Variants in TMEM184B observed in about 807,000 individuals in gnomAD.
The protein encoded by TMEM184B is putative MAPK-activating protein FM08.
A neutral mutation model predicts 41.8 loss-of-function variants in TMEM184B; 17 were observed. The observed-to-expected ratio is 0.41, with a 90% confidence interval of 0.28 to 0.61. The LOEUF is 0.61. Among genes scored for constraint, TMEM184B ranks in the 20% least tolerant of loss-of-function variants. The probability of loss-of-function intolerance (pLI) is 0.34; values close to 1 mark genes in which losing one functional copy is unlikely to be tolerated. For synonymous variants in TMEM184B, 240 were observed against 229.5 expected (o/e 1.05, Z -0.41); for missense variants, 393 against 557.8 (o/e 0.70, Z 2.98).
chr22:38,217,886 G>A (rs766317147), downstream of TMEM184B, among the ~76,000 whole-genome samples: 1 of 151,796 alleles, frequency 6.6e-6, no homozygotes, highest in African/African-American at 2.4e-5. Flanking sequence ...CAGTCATGGT[G>A]GTGTGGTTGA....
chr22:38,268,565 C>G lies in TMEM184B; in HGVS notation c.-59+4319G>C, dbSNP rs113633217. ...CACTCTACCTCTTCCCGTTTCTGTC[C>G]TCTCTGAGGCTGAGGAGATGGCATT... On this transcript the variant is annotated intron_variant, in intron 1 of 8. Transcript: ENST00000361906. 5.3e-4 allele frequency among the ~76,000 whole-genome samples: 81 copies of G among 152,196 alleles called. 3 individuals carry two copies. Among genetic ancestry groups the G allele is most frequent in the African/African-American group, 1.8e-3 (74 of 41,528 alleles).
rs2091251771 is a variant in TMEM184B at position 38,221,275 on chromosome 22, TATTC to T, written c.*190_*193del. ...CAGTGCAGGCTGGGCCATGTATAAA[TATTC>T]CTGAAGGCCCATGGGCGAGCCTGGC... On this transcript the variant is annotated 3_prime_UTR_variant, in exon 9 of 9. Coordinates refer to ENST00000361906, the MANE Select transcript of TMEM184B (RefSeq NM_012264.5). 1 of 1,427,942 alleles carries T rather than the reference TATTC, an allele frequency of 7.0e-7. No homozygotes were observed. Among genetic ancestry groups the T allele is most frequent in the Admixed American group, 2.9e-5 (1 of 34,250 alleles). The allele number at this position is 1,427,942 out of a possible 1,614,324, so 88.5% of individuals were successfully genotyped here. A position where few individuals can be genotyped will look rare whatever the true frequency, so the allele number is the denominator to read the frequency against.
At chr22:38,268,525 T>C (rs1361705788) in intron 1 of TMEM184B, among the ~76,000 whole-genome samples, 2 of 152,102 alleles carry the variant, frequency 1.3e-5, no homozygotes, top group Admixed American at 6.5e-5. Flanking sequence ...AATTCTTCTC[T>C]CTGTGGCCGC....
chr22:38,267,276 T>C (rs771012478), intron 1 of TMEM184B, among the ~76,000 whole-genome samples: 2 of 152,052 alleles, frequency 1.3e-5, no homozygotes, highest in African/African-American at 4.8e-5. Context: ...TCTTCCCCTG[T>C]GGTTTCCACC....
intron 3 of TMEM184B, chr22:38,231,920 C>G (rs2091637990): frequency 5.0e-6 from 1 of 199,516 alleles, no homozygotes. Flanking sequence ...GGAAACAGAG[C>G]AAGTCAAACT....
chr22:38,272,704 G>A (rs2092543837), intron 1 of TMEM184B, 180 bp downstream of exon 1: 4 of 985,424 alleles, frequency 4.1e-6, no homozygotes, highest in Non-Finnish European at 4.8e-6. Flanking sequence ...CACGGGTGGG[G>A]AGACGGATGC....
downstream of TMEM184B, among the ~76,000 whole-genome samples, chr22:38,217,073 T>A (rs2091157460): frequency 6.6e-6 from 1 of 152,088 alleles, no homozygotes; most frequent in African/African-American, 2.4e-5. Context: ...ACACCTGTAA[T>A]CCCAGCACTT....
Position 38,226,998 on chromosome 22 carries a change from A to AGGGATGGAGGGATGGAGGGACGGAG in TMEM184B, c.526-129_526-128insCTCCGTCCCTCCATCCCTCCATCCC, listed in dbSNP as rs1399887810. 17 of 838,116 alleles carry AGGGATGGAGGGATGGAGGGACGGAG rather than the reference A, an allele frequency of 2.0e-5. No individual in the cohort carries two copies. In the African/African-American group the frequency reaches 3.0e-4, roughly 15 times the overall value. 51.9% of individuals were successfully genotyped at this position (838,116 alleles called of 1,614,324 possible). On this transcript the variant is annotated intron_variant, in intron 5 of 8. Transcript: ENST00000361906. This position sits in a 1 kb window ranked among gnomAD's most constrained non-coding sequence, Gnocchi z 4.6. ...AGGATGAAGGAGACGGAGAGGACGGAGGGATGGAGGGACGGAGGGGATGGA... is the reference window on the plus strand; with the variant it reads ...AGGATGAAGGAGACGGAGAGGACGGAGGGATGGAGGGATGGAGGGACGGAGGGGATGGAGGGACGGAGGGGATGGA...
At chr22:38,236,344 C>G (rs1015474358) in intron 3 of TMEM184B, among the ~76,000 whole-genome samples, 1 of 152,146 alleles carries the variant, frequency 6.6e-6, no homozygotes, top group South Asian at 2.1e-4. Context: ...AAGGACTGTG[C>G]TGGGGACGAG....
At position 38,258,300 on chromosome 22, in the gene TMEM184B, A is replaced by ATTTT. The variant is rs752882414; in HGVS notation, c.-58-10285_-58-10282dup. 1.6e-3 allele frequency among the ~76,000 whole-genome samples: 228 copies of ATTTT among 141,306 alleles called. 3 individuals carry two copies. The highest frequency in any genetic ancestry group is 5.7e-3 in the African/African-American group (217 of 37,932). The allele number at this position is 141,306 out of a possible 152,430, so 92.7% of individuals were successfully genotyped here. On this transcript the variant is annotated intron_variant, in intron 1 of 8. Coordinates refer to ENST00000361906, the MANE Select transcript of TMEM184B (RefSeq NM_012264.5). ...GTTTAAGAATTTAGAATTTTTCCAAATTTTTTTTTTTTTTTTTTTAGACTA... is the reference window on the plus strand; with the variant it reads ...GTTTAAGAATTTAGAATTTTTCCAAATTTTTTTTTTTTTTTTTTTTTTTAGACTA...
intron 1 of TMEM184B, among the ~76,000 whole-genome samples, chr22:38,272,150 G>T (rs1395609910): frequency 6.6e-6 from 1 of 152,172 alleles, no homozygotes; most frequent in Non-Finnish European, 1.5e-5. Context: ...ACCTCCAGAG[G>T]GGATATGTAT....
intron 3 of TMEM184B, 195 bp from the exon 4 acceptor site, chr22:38,231,529 A>C: frequency 1.4e-6 from 1 of 698,812 alleles, no homozygotes; most frequent in Non-Finnish European, 2.6e-6. Flanking sequence ...TAAGTTCAAA[A>C]CCCGGCACAC....
At chr22:38,229,571 C>T (rs1235708925) in intron 5 of TMEM184B, among the ~76,000 whole-genome samples, 1 of 151,670 alleles carries the variant, frequency 6.6e-6, no homozygotes, top group Non-Finnish European at 1.5e-5. Flanking sequence ...ACCCAGGCTA[C>T]TCTAGACCAC....
Position 38,221,124 on chromosome 22 carries a change from G to A in TMEM184B, c.*345C>T. 1 of 1,134,666 alleles carries A rather than the reference G, an allele frequency of 8.8e-7. No individual in the cohort carries two copies. Among genetic ancestry groups the A allele is most frequent in the Non-Finnish European group, 1.1e-6 (1 of 922,856 alleles). 70.3% of individuals were successfully genotyped at this position (1,134,666 alleles called of 1,614,324 possible). On this transcript the variant is annotated 3_prime_UTR_variant, in exon 9 of 9. Coordinates refer to ENST00000361906, the MANE Select transcript of TMEM184B (RefSeq NM_012264.5). ...GTCTCGCGGGGAGGAGGGGCTAGAA[G>A]GCTGCAGCCGCTGGTCCACACACAA...
intron 1 of TMEM184B, among the ~76,000 whole-genome samples, chr22:38,251,137 C>G (rs1209576802): frequency 6.6e-6 from 1 of 152,168 alleles, no homozygotes; most frequent in African/African-American, 2.4e-5. Context: ...GCAGGTCCCC[C>G]AGGGTGGAGG....
chr22:38,230,489 C>A (rs953667267), intron 5 of TMEM184B, among the ~76,000 whole-genome samples, 180 bp downstream of exon 5: 4 of 152,198 alleles, frequency 2.6e-5, no homozygotes, highest in Admixed American at 2.0e-4. Flanking sequence ...GGTCGCTGCC[C>A]CTCCAAGCAC....
chr22:38,251,300 A>G (rs2092157647), intron 1 of TMEM184B, among the ~76,000 whole-genome samples: 1 of 152,222 alleles, frequency 6.6e-6, no homozygotes, highest in African/African-American at 2.4e-5. Flanking sequence ...GTATTTTCTC[A>G]AGGCAACTTT....
In TMEM184B at chr22:38,221,311, C is replaced by G; in HGVS notation, c.*158G>C. ...GCCCATGGGCGAGCCTGGCTGTCCC[C>G]CGTTCCTCTGGAAGTGACATGTGAG... On this transcript the variant is annotated 3_prime_UTR_variant, in exon 9 of 9. Coordinates refer to ENST00000361906, the MANE Select transcript of TMEM184B (RefSeq NM_012264.5). 7.0e-7 allele frequency: 1 copy of G among 1,436,108 alleles called. No individual in the cohort carries two copies. Among genetic ancestry groups the G allele is most frequent in the Non-Finnish European group, 9.1e-7 (1 of 1,099,876 alleles). The allele number at this position is 1,436,108 out of a possible 1,614,324, so 89.0% of individuals were successfully genotyped here.
At position 38,246,078 on chromosome 22, in the gene TMEM184B, T is replaced by C. The variant is rs760745263; in HGVS notation, c.215A>G (p.Tyr72Cys). Residue 72 changes from tyrosine to cysteine, a missense_variant, in exon 3 of 9, where the codon TAC (tyrosine) becomes TGC (cysteine). Around this residue, in one of 2 missense-constraint regions of TMEM184B, gnomAD observed 122 missense variants for 123.7 expected, o/e 0.99. Transcript: ENST00000361906. ...CHQIYMHLRC[Y>C]SCPNEQRYIV... ...GTAGCGCTGCTCGTTGGGGCAGCTG[T>C]AGCAGCGCAGGTGCATGTAGATCTG... 8 of 1,611,834 alleles carry C rather than the reference T, an allele frequency of 5.0e-6. No individual in the cohort carries two copies. The highest frequency in any genetic ancestry group is 1.3e-5 in the African/African-American group (1 of 74,926).
Sources: gnomAD v4.1 joint callset for allele counts (sites outside exome capture counted in the v4.1 genomes callset) on GRCh38, gnomAD v4.1.1 for gene constraint, gnomAD v4.1.1 regional missense constraint, Gnocchi (gnomAD v3.1) non-coding constraint, MANE v1.5 for transcripts, NCBI Gene and HGNC (gene_info 2026-07-23, HGNC 2026-07-21) for gene names.